Variants in ZNF746 observed in about 807,000 individuals in gnomAD.
ZNF746 encodes the protein parkin-interacting substrate.
A neutral mutation model predicts 41.0 loss-of-function variants in ZNF746; 13 were observed. That is an observed-to-expected ratio of 0.32 (90% CI 0.21 to 0.50). ZNF746 has a LOEUF of 0.50. Ranked by LOEUF, ZNF746 falls within the 20% of genes least tolerant of loss-of-function variation. The pLI, the probability that ZNF746 is intolerant of heterozygous loss-of-function variation, is 0.98. For synonymous variants in ZNF746, 424 were observed against 396.2 expected (o/e 1.07, Z -0.83); for missense variants, 811 against 922.9 (o/e 0.88, Z 1.57).
intron 4 of ZNF746, among the ~76,000 whole-genome samples, chr7:149,485,562 A>G (rs943242601): frequency 5.9e-5 from 9 of 152,228 alleles, no homozygotes; most frequent in Non-Finnish European, 1.3e-4. Flanking sequence ...GGTGTACTAC[A>G]ACATTGAAGA....
At chr7:149,491,586 C>G (rs878972025) in intron 4 of ZNF746, 4 of 420,292 alleles carry the variant, frequency 9.5e-6, no homozygotes, top group Non-Finnish European at 1.3e-5. Context: ...GTCAATGTCC[C>G]GATGACGACT....
At chr7:149,493,051 T>C in intron 3 of ZNF746, 79 bp from the exon 4 acceptor site, 1 of 939,394 alleles carries the variant, frequency 1.1e-6, no homozygotes, top group Non-Finnish European at 1.7e-6. Flanking sequence ...CCAACAATGG[T>C]CTAGAAATGA....
At chr7:149,495,820 G>A (rs539271180) in intron 1 of ZNF746, among the ~76,000 whole-genome samples, 12 of 152,202 alleles carry the variant, frequency 7.9e-5, no homozygotes, top group Non-Finnish European at 5.9e-5. Context: ...GAAGGAAGCA[G>A]GACCCAAAGA....
chr7:149,491,727 C>T, intron 4 of ZNF746: 1 of 604,498 alleles, frequency 1.7e-6, no homozygotes, highest in Non-Finnish European at 3.0e-6. Context: ...TGCGGACCAC[C>T]ACCTTTCTCA....
chr7:149,474,363 G>A lies in ZNF746; in HGVS notation c.*21C>T. On this transcript the variant is annotated 3_prime_UTR_variant, in exon 7 of 7. Transcript: ENST00000458143. The surrounding 1 kb of genome is among the most constrained non-coding windows in gnomAD (Gnocchi z 6.3). The stretch of plus-strand genomic sequence containing the variant: ...GGCTTTTTACACGTGCGGCCGGCAG[G>A]GGCTATGGGGCTGGAGGCGCTCACA... The A allele has an allele frequency of 6.3e-7, 1 of 1,591,288 alleles. No homozygotes were observed. The highest frequency in any genetic ancestry group is 8.6e-7 in the Non-Finnish European group (1 of 1,169,486).
chr7:149,480,025 C>G (rs960250242), intron 4 of ZNF746, among the ~76,000 whole-genome samples: 4 of 152,214 alleles, frequency 2.6e-5, no homozygotes, highest in African/African-American at 7.2e-5. Context: ...CCCAGCTACT[C>G]AGGAGGCCCA....
chr7:149,475,578 G>A, intron 6 of ZNF746, 95 bp from the exon 7 acceptor site: 2 of 1,511,812 alleles, frequency 1.3e-6, no homozygotes, highest in Non-Finnish European at 1.8e-6. Flanking sequence ...TGCCTGGCCA[G>A]ACAAACTCCA....
intron 3 of ZNF746, 43 bp from the exon 4 acceptor site, chr7:149,493,015 A>G (rs1800861785): frequency 3.0e-6 from 4 of 1,341,172 alleles, no homozygotes; most frequent in African/African-American, 2.9e-5. Context: ...GTTCCAGTCA[A>G]AGCTGGGGAC....
At position 149,475,143 on chromosome 7, in the gene ZNF746, G is replaced by A. The variant is rs1335187330; in HGVS notation, c.1224C>T (p.Asn408=). The A allele has an allele frequency of 6.2e-7, 1 of 1,612,726 alleles. No homozygotes were observed. The highest frequency in any genetic ancestry group is 2.2e-5 in the East Asian group (1 of 44,854). The change falls in exon 7 of 7, where the codon AAC becomes AAT. Residue 408 remains asparagine, a synonymous_variant. Transcript: ENST00000458143. The part of the protein sequence containing the change: ...NFRCKPPVGL[N]PRTGPEGLPY... ...GAAGCCCCTCGGGCCCCGTCCTCGG[G>A]TTCAGGCCCACTGGCGGTTTACACC...
At chr7:149,495,870 G>A (rs1800978857) in intron 1 of ZNF746, among the ~76,000 whole-genome samples, 2 of 152,190 alleles carry the variant, frequency 1.3e-5, no homozygotes, top group African/African-American at 4.8e-5. Flanking sequence ...GGGAGATTCT[G>A]GACAAGCTGA....
chr7:149,492,256 G>C (rs1251281108), intron 4 of ZNF746, among the ~76,000 whole-genome samples: 1 of 152,190 alleles, frequency 6.6e-6, no homozygotes, highest in African/African-American at 2.4e-5. Flanking sequence ...TCAATCTGAA[G>C]AAGACAATGA....
At chr7:149,495,177 A>C in intron 1 of ZNF746, among the ~76,000 whole-genome samples, 1 of 151,984 alleles carries the variant, frequency 6.6e-6, no homozygotes, top group Non-Finnish European at 1.5e-5. Context: ...CCACAAGCTA[A>C]AATCCCCATG....
Position 149,475,037 on chromosome 7 carries a change from G to A in ZNF746, c.1330C>T (p.Pro444Ser), listed in dbSNP as rs996352021. Residue 444 changes from proline (P) to serine (S), a missense_variant, in exon 7 of 7, where the codon CCT (proline) becomes TCT (serine). Transcript: ENST00000458143. ...PRPFNEPCKYPGRTKGFGHKP... is the reference protein window; with the variant it reads ...PRPFNEPCKYSGRTKGFGHKP... ...TGGCCAAAGCCTTTGGTCCGGCCAGGGTATTTACAGGGTTCGTTGAATGGC... is the reference window on the plus strand; with the variant it reads ...TGGCCAAAGCCTTTGGTCCGGCCAGAGTATTTACAGGGTTCGTTGAATGGC... The A allele has an allele frequency of 1.9e-6, 3 of 1,565,404 alleles. No homozygotes were observed. In the African/African-American group the frequency reaches 4.0e-5, roughly 21 times the overall value.
At position 149,497,500 on chromosome 7, in the gene ZNF746, G is replaced by T; in HGVS notation, c.24+13C>A. 1.8e-6 allele frequency: 2 copies of T among 1,099,858 alleles called. No homozygotes were observed. Among genetic ancestry groups the T allele is most frequent in the African/African-American group, 1.7e-5 (1 of 59,318 alleles). The allele number at this position is 1,099,858 out of a possible 1,614,324, so 68.1% of individuals were successfully genotyped here. On this transcript the variant is annotated intron_variant, in intron 1 of 6. Transcript: ENST00000458143. The surrounding 1 kb of genome is among the most constrained non-coding windows in gnomAD (Gnocchi z 4.2). ...CCAGGCCGCGAGTCCCTGCGCGCGCGGGTCGCCCTTACCGGAGCCGCGACC... is the reference window on the plus strand; with the variant it reads ...CCAGGCCGCGAGTCCCTGCGCGCGCTGGTCGCCCTTACCGGAGCCGCGACC...
At chr7:149,475,534 A>T in intron 6 of ZNF746, 51 bp from the exon 7 acceptor site, 1 of 1,550,788 alleles carries the variant, frequency 6.4e-7, no homozygotes, top group Non-Finnish European at 8.7e-7. Context: ...CTGCTGAGCG[A>T]GCCACGATCT....
chr7:149,488,968 T>C (rs939164715), intron 4 of ZNF746: 6 of 152,216 alleles, frequency 3.9e-5, no homozygotes, highest in African/African-American at 1.4e-4. Flanking sequence ...TAGTTGCTTC[T>C]GGAATATTAA....
In ZNF746 at chr7:149,475,420, T is replaced by C; in HGVS notation, c.947A>G (p.His316Arg). The C allele has an allele frequency of 6.2e-7, 1 of 1,614,128 alleles. No individual in the cohort carries two copies. Among genetic ancestry groups the C allele is most frequent in the South Asian group, 1.1e-5 (1 of 91,086 alleles). Residue 316 changes from histidine (H) to arginine (R), a missense_variant, in exon 7 of 7, where the codon CAT (histidine) becomes CGT (arginine). Physicochemically the swap from His to Arg is conservative, Grantham distance 29. Coordinates refer to ENST00000458143, the MANE Select transcript of ZNF746 (RefSeq NM_001394198.1). ...CCCGTGAGCCTCTAGGTCAGTAGGA[T>C]GTACGGGTGTGGCCACCACCTCCTC... ...QEEEVVATPV[H>R]PTDLEAHGTL...
rs1166226455 is a variant in ZNF746, at chr7:149,497,225, G to C, written c.24+288C>G. 1 of 983,338 alleles carries C rather than the reference G, an allele frequency of 1.0e-6. No homozygotes were observed. Among genetic ancestry groups the C allele is most frequent in the East Asian group, 1.1e-4 (1 of 8,796 alleles). The allele number at this position is 983,338 out of a possible 1,614,324, so 60.9% of individuals were successfully genotyped here. On this transcript the variant is annotated intron_variant, in intron 1 of 6. Coordinates refer to ENST00000458143, the MANE Select transcript of ZNF746 (RefSeq NM_001394198.1). The surrounding 1 kb of genome is among the most constrained non-coding windows in gnomAD (Gnocchi z 4.2). Reference sequence around the variant, plus strand: ...GGGGCACCCAGAAGGAGGGGACAGCGGCTGGGGCGGGGGCAGGAAGCCCCG... The same window carrying C: ...GGGGCACCCAGAAGGAGGGGACAGCCGCTGGGGCGGGGGCAGGAAGCCCCG...
At position 149,474,967 on chromosome 7, in the gene ZNF746, C is replaced by T. The variant is rs562822497; in HGVS notation, c.1400G>A (p.Arg467Gln). Residue 467 changes from arginine to glutamine, a missense_variant, in exon 7 of 7, where the codon CGG (arginine) becomes CAG (glutamine). Physicochemically the swap from Arg to Gln is conservative, Grantham distance 43 (BLOSUM62 1). Coordinates refer to ENST00000458143, the MANE Select transcript of ZNF746 (RefSeq NM_001394198.1). The surrounding 1 kb of genome is among the most constrained non-coding windows in gnomAD (Gnocchi z 6.3). ...KKHPAAPPGG[R>Q]PFTCATCGKS... The stretch of plus-strand genomic sequence containing the variant: ...CCCACACGTGGCGCAGGTGAAGGGC[C>T]GGCCCCCGGGGGGCGCCGCGGGGTG... The T allele has an allele frequency of 8.9e-5, 138 of 1,548,008 alleles. No homozygotes were observed. The African/African-American group carries it at 1.6e-3, about 18-fold the overall frequency.
Sources: gnomAD v4.1 joint callset for allele counts (sites outside exome capture counted in the v4.1 genomes callset) on GRCh38, gnomAD v4.1.1 for gene constraint, Gnocchi (gnomAD v3.1) non-coding constraint, MANE v1.5 for transcripts, NCBI Gene and HGNC (gene_info 2026-07-23, HGNC 2026-07-21) for gene names.